ORMDL1: variants seen among roughly 807,000 people sequenced by gnomAD.
The protein encoded by ORMDL1 is ORMDL sphingolipid biosynthesis regulator 1.
In ORMDL1, 10 loss-of-function variants were observed where a neutral mutation model predicts 13.0. The ratio of observed to expected loss-of-function variants is 0.77; its 90% CI spans 0.47 to 1.30. The LOEUF (loss-of-function observed/expected upper bound fraction) is 1.30, where lower values mean the gene tolerates loss of function less well. Ranked by LOEUF, ORMDL1 falls within the 50% of genes most tolerant of loss-of-function variation. The pLI is 0.00. For synonymous variants in ORMDL1, 61 were observed against 63.9 expected, an observed-to-expected ratio of 0.95 and a Z score of 0.22; for missense variants, 171 against 186.7, an observed-to-expected ratio of 0.92 and a Z score of 0.49.
At chr2:189,765,786 T>G (rs1343381228), downstream of ORMDL1, among the ~76,000 whole-genome samples, 5 of 152,034 alleles carry the variant, frequency 3.3e-5, no homozygotes, top group South Asian at 8.3e-4. Context: ...CACATTGTCT[T>G]ACATTCTTTG....
chr2:189,778,657 G>A (rs938787505), intron 3 of ORMDL1, among the ~76,000 whole-genome samples: 1 of 152,162 alleles, frequency 6.6e-6, no homozygotes, highest in Non-Finnish European at 1.5e-5. Flanking sequence ...CATTTTGGAA[G>A]GCCAAGGCAG....
In ORMDL1 at chr2:189,772,745, G is replaced by C. The variant is rs114648850; in HGVS notation, c.327-843C>G. On this transcript the variant is annotated intron_variant, in intron 4 of 4. Coordinates refer to ENST00000392349, the MANE Select transcript of ORMDL1 (RefSeq NM_016467.5). ...GTTTCTATTTAGGTCTTTGCAGTAC[G>C]CAAGGAAAGTATTCTAATAGCCTTT... 2.2e-3 allele frequency among the ~76,000 whole-genome samples: 339 copies of C among 152,230 alleles called. 1 individual carries two copies. The highest frequency in any genetic ancestry group is 3.0e-3 in the Non-Finnish European group (203 of 68,010).
intron 4 of ORMDL1, chr2:189,774,898 G>A (rs540852658): frequency 6.6e-6 from 1 of 152,170 alleles, no homozygotes; most frequent in Non-Finnish European, 1.5e-5. Flanking sequence ...AAGGGAAAAG[G>A]AGGTAAGAAC....
At chr2:189,772,785 C>T (rs1391670660) in intron 4 of ORMDL1, among the ~76,000 whole-genome samples, 1 of 152,154 alleles carries the variant, frequency 6.6e-6, no homozygotes, top group African/African-American at 2.4e-5. Context: ...ACATTAGTTT[C>T]TCATAAGGGA....
intron 3 of ORMDL1, among the ~76,000 whole-genome samples, chr2:189,779,398 G>A (rs980081167): frequency 6.6e-6 from 1 of 152,200 alleles, no homozygotes; most frequent in Non-Finnish European, 1.5e-5. Context: ...GAGGAGCTAT[G>A]ATCACGCCAG....
At chr2:189,769,822 C>T (rs529896099), downstream of ORMDL1, among the ~76,000 whole-genome samples, 2 of 152,246 alleles carry the variant, frequency 1.3e-5, no homozygotes, top group East Asian at 1.9e-4. Context: ...ATAGTAATTG[C>T]TGCAAGAAAG....
chr2:189,778,965 C>T (rs921809465), intron 3 of ORMDL1, among the ~76,000 whole-genome samples: 7 of 152,058 alleles, frequency 4.6e-5, no homozygotes. Flanking sequence ...AGGAGGATCA[C>T]TTGAGGTCAG....
chr2:189,775,446 G>C, intron 4 of ORMDL1, 119 bp downstream of exon 4: 1 of 1,078,952 alleles, frequency 9.3e-7, no homozygotes, highest in East Asian at 2.6e-5. Context: ...TTCTATCCGA[G>C]GTGCTACTTA....
chr2:189,768,450 C>G (rs1470806407), downstream of ORMDL1, among the ~76,000 whole-genome samples: 1 of 152,134 alleles, frequency 6.6e-6, no homozygotes, highest in African/African-American at 2.4e-5. Flanking sequence ...ATATAGAAGA[C>G]ACAGGAGAAA....
chr2:189,782,600 G>A lies in ORMDL1; in HGVS notation c.-5C>T. The A allele has an allele frequency of 6.2e-7, 1 of 1,613,084 alleles. No homozygotes were observed. Among genetic ancestry groups the A allele is most frequent in the Non-Finnish European group, 8.5e-7 (1 of 1,179,250 alleles). The stretch of plus-strand genomic sequence containing the variant: ...GTGGGCAACTCCAACGTTCATGTTT[G>A]CTCTGTAGGAAGTAATGAAATGAAT... On this transcript the variant is annotated splice_region_variant and 5_prime_UTR_variant, in exon 3 of 5. Transcript: ENST00000392349.
At chr2:189,782,722 C>T (rs1001157224) in intron 2 of ORMDL1, 120 bp from the exon 3 acceptor site, 13 of 791,004 alleles carry the variant, frequency 1.6e-5, no homozygotes, top group Non-Finnish European at 2.6e-5. Context: ...TTTGAAGTAG[C>T]ACACAAACAC....
At chr2:189,773,525 C>T (rs2047625443) in intron 4 of ORMDL1, among the ~76,000 whole-genome samples, 1 of 152,038 alleles carries the variant, frequency 6.6e-6, no homozygotes, top group East Asian at 1.9e-4. Context: ...AGTTCAAGAC[C>T]AGCCTGGTCA....
chr2:189,764,011 C>CA, the ORMDL1 span: 1 of 152,138 alleles, frequency 6.6e-6, no homozygotes, highest in African/African-American at 2.4e-5. Context: ...ATTTTACAGG[C>CA]AACTGGGCCA....
rs1251107333 is a variant in ORMDL1 at position 189,771,411 on chromosome 2, C to A, written c.*356G>T. ...CCACAGCTGAATGACTGGAAATGTT[C>A]TTTTCTTAACACAATGCCCATTCAT... On this transcript the variant is annotated 3_prime_UTR_variant, in exon 5 of 5. Coordinates refer to ENST00000392349, the MANE Select transcript of ORMDL1 (RefSeq NM_016467.5). 1 of 162,044 alleles carries A rather than the reference C, an allele frequency of 6.2e-6. No homozygotes were observed. The highest frequency in any genetic ancestry group is 1.3e-5 in the Non-Finnish European group (1 of 74,898). 10.0% of individuals were successfully genotyped at this position (162,044 alleles called of 1,614,324 possible). A position where few individuals can be genotyped will look rare whatever the true frequency, so the allele number is the denominator to read the frequency against.
chr2:189,769,905 T>C (rs1340299048), downstream of ORMDL1, among the ~76,000 whole-genome samples: 2 of 152,226 alleles, frequency 1.3e-5, no homozygotes, highest in African/African-American at 4.8e-5. Flanking sequence ...TTATGTCTCC[T>C]GACTTGAAGT....
intron 1 of ORMDL1, among the ~76,000 whole-genome samples, chr2:189,783,777 G>A (rs5742923): frequency 0.034 from 5,159 of 152,274 alleles, 298 homozygotes; most frequent in African/African-American, 0.12. Context: ...ATCTCAGCTG[G>A]AAGGCAAAGC....
rs2047878502 is a variant in ORMDL1 at position 189,782,516 on chromosome 2, G to A, written c.80C>T (p.Ala27Val). 6.2e-7 allele frequency: 1 copy of A among 1,614,038 alleles called. No homozygotes were observed. The highest frequency in any genetic ancestry group is 1.7e-5 in the Admixed American group (1 of 60,000). The change falls in exon 3 of 5, where the codon GCA (alanine) becomes GTA (valine). Residue 27 changes from alanine (A) to valine (V), a missense_variant. Transcript: ENST00000392349. ...MNSRGMWLTY[A>V]LGVGLLHIVL... ...AATATGAAGCAAGCCAACTCCCAATGCATATGTCAGCCACATACCCCGGCT... is the reference window on the plus strand; with the variant it reads ...AATATGAAGCAAGCCAACTCCCAATACATATGTCAGCCACATACCCCGGCT...
At chr2:189,777,769 G>T (rs982103322) in intron 3 of ORMDL1, among the ~76,000 whole-genome samples, 3 of 152,188 alleles carry the variant, frequency 2.0e-5, no homozygotes, top group Non-Finnish European at 4.4e-5. Flanking sequence ...CTCTAAGGGT[G>T]AGGTAGCACT....
chr2:189,778,283 G>A (rs745802544), intron 3 of ORMDL1: 74 of 414,290 alleles, frequency 1.8e-4, no homozygotes, highest in Non-Finnish European at 2.6e-4. Flanking sequence ...TAATCCCAGC[G>A]ACTCAGGAGG....
Sources: gnomAD v4.1 joint callset for allele counts (sites outside exome capture counted in the v4.1 genomes callset) on GRCh38, gnomAD v4.1.1 for gene constraint, MANE v1.5 for transcripts, NCBI Gene and HGNC (gene_info 2026-07-23, HGNC 2026-07-21) for gene names.